Variants in CNBD1 observed in about 807,000 individuals in gnomAD.
CNBD1 encodes cyclic nucleotide binding domain containing 1.
CNBD1 carries 71 observed loss-of-function variants against 54.4 expected under a neutral mutation model. That is an observed-to-expected ratio of 1.30 (90% CI 1.08 to 1.59). The LOEUF (loss-of-function observed/expected upper bound fraction) is 1.59. CNBD1 is among the 40% of genes most tolerant of loss of function. CNBD1 has a pLI of 0.00. For synonymous variants in CNBD1, 182 were observed against 170.7 expected, an observed-to-expected ratio of 1.07 and a Z score of -0.51; for missense variants, 659 against 518.0, an observed-to-expected ratio of 1.27 and a Z score of -2.64.
chr8:86,967,213 G>T (rs1181366827), intron 4 of CNBD1, among the ~76,000 whole-genome samples: 1 of 152,186 alleles, frequency 6.6e-6, no homozygotes, highest in Non-Finnish European at 1.5e-5. Flanking sequence ...AAGGGTATAA[G>T]CTGCAGAGAC....
chr8:87,277,984 G>T (rs1808518982), intron 6 of CNBD1, among the ~76,000 whole-genome samples: 1 of 151,380 alleles, frequency 6.6e-6, no homozygotes, highest in Non-Finnish European at 1.5e-5. Context: ...AAAGAAACTA[G>T]AATTGTGAAC....
At chr8:87,414,803 T>G (rs980709050) in intron 2 of CNBD1, among the ~76,000 whole-genome samples, 6 of 152,074 alleles carry the variant, frequency 3.9e-5, no homozygotes, top group African/African-American at 1.4e-4. Flanking sequence ...TTTTTTACAA[T>G]TTAGTATACA....
chr8:87,103,331 A>C (rs1811469587), intron 4 of CNBD1, among the ~76,000 whole-genome samples: 1 of 152,216 alleles, frequency 6.6e-6, no homozygotes, highest in Non-Finnish European at 1.5e-5. Flanking sequence ...TTGTTTTTAC[A>C]TCTTAATATA....
At chr8:87,324,480 CTCCTGTT>C (rs1209307025) in intron 8 of CNBD1, among the ~76,000 whole-genome samples, 1 of 147,398 alleles carries the variant, frequency 6.8e-6, no homozygotes. Flanking sequence ...CCAATTTCAG[CTCCTGTT>C]ATTGGTCTAT....
At chr8:87,363,505 A>G (rs1162276874) in intron 10 of CNBD1, among the ~76,000 whole-genome samples, 1 of 152,128 alleles carries the variant, frequency 6.6e-6, no homozygotes, top group African/African-American at 2.4e-5. Context: ...CCTCTCCAGC[A>G]TCTGTTCATG....
intron 8 of CNBD1, among the ~76,000 whole-genome samples, chr8:87,328,645 CT>C (rs1432244585): frequency 6.6e-6 from 1 of 151,888 alleles, no homozygotes; most frequent in Non-Finnish European, 1.5e-5. Flanking sequence ...CTATAAAATG[CT>C]ATTGGGTTTT....
intron 4 of CNBD1, among the ~76,000 whole-genome samples, chr8:87,135,576 A>AT (rs1424552634): frequency 2.7e-5 from 4 of 148,652 alleles, no homozygotes; most frequent in African/African-American, 9.8e-5. Flanking sequence ...TCTAATATGT[A>AT]TAATATATAT....
intron 4 of CNBD1, among the ~76,000 whole-genome samples, chr8:87,016,321 A>C (rs888639376): frequency 6.6e-6 from 1 of 151,920 alleles, no homozygotes; most frequent in Non-Finnish European, 1.5e-5. Context: ...AGCATAAAAT[A>C]AGCTTTTGTT....
intron 4 of CNBD1, among the ~76,000 whole-genome samples, chr8:86,994,430 T>A (rs1808824456): frequency 6.6e-6 from 1 of 152,310 alleles, no homozygotes; most frequent in South Asian, 2.1e-4. Flanking sequence ...GGTGGACAGC[T>A]GGGGCTAGAG....
At chr8:87,376,605 T>A (rs1239184220) in intron 10 of CNBD1, among the ~76,000 whole-genome samples, 5 of 152,116 alleles carry the variant, frequency 3.3e-5, no homozygotes, top group African/African-American at 1.2e-4. Flanking sequence ...TATGTATTCA[T>A]AGAGTTCTAT....
chr8:86,979,827 AG>A (rs1321598544), intron 4 of CNBD1, among the ~76,000 whole-genome samples: 2 of 152,208 alleles, frequency 1.3e-5, no homozygotes, highest in African/African-American at 4.8e-5. Flanking sequence ...TTTATTTCTC[AG>A]GTTAAATGCT....
chr8:87,381,823 A>G (rs1012124779), intron 10 of CNBD1, among the ~76,000 whole-genome samples: 1 of 151,950 alleles, frequency 6.6e-6, no homozygotes, highest in Non-Finnish European at 1.5e-5. Flanking sequence ...AAAAAGTGGA[A>G]TGGTGGTTAC....
At chr8:87,029,252 T>C (rs954047298) in intron 4 of CNBD1, among the ~76,000 whole-genome samples, 3 of 152,136 alleles carry the variant, frequency 2.0e-5, no homozygotes, top group Non-Finnish European at 4.4e-5. Flanking sequence ...TTCAGACCAA[T>C]ATACGTGAAA....
intron 8 of CNBD1, among the ~76,000 whole-genome samples, chr8:87,341,499 T>C (rs556352293): frequency 9.8e-5 from 15 of 152,340 alleles, no homozygotes; most frequent in African/African-American, 3.6e-4. Context: ...ACTCTTCTAA[T>C]AGTCTTCTGC....
intron 4 of CNBD1, among the ~76,000 whole-genome samples, chr8:87,126,112 A>C (rs1811985061): frequency 6.6e-6 from 1 of 151,956 alleles, no homozygotes; most frequent in African/African-American, 2.4e-5. Context: ...GTTTCTGGCT[A>C]TTACACATAA....
intron 10 of CNBD1, among the ~76,000 whole-genome samples, chr8:87,378,615 T>G (rs1278667221): frequency 2.0e-5 from 3 of 148,832 alleles, no homozygotes; most frequent in Non-Finnish European, 4.5e-5. Context: ...TCTTTTGGCT[T>G]AGGATTGACT....
intron 4 of CNBD1, among the ~76,000 whole-genome samples, chr8:87,005,844 C>T (rs755818138): frequency 1.3e-4 from 20 of 151,950 alleles, no homozygotes; most frequent in Non-Finnish European, 1.9e-4. Context: ...ATGGAAGAGC[C>T]TGGGAGATGG....
intron 4 of CNBD1, among the ~76,000 whole-genome samples, chr8:87,189,396 T>G (rs1322033586): frequency 6.6e-6 from 1 of 152,114 alleles, no homozygotes; most frequent in Non-Finnish European, 1.5e-5. Flanking sequence ...CTTTAAAAAC[T>G]GTGCAGTTGG....
intron 4 of CNBD1, among the ~76,000 whole-genome samples, chr8:87,008,099 A>G (rs1384235214): frequency 6.6e-6 from 1 of 152,218 alleles, no homozygotes; most frequent in Non-Finnish European, 1.5e-5. Flanking sequence ...GACTACTTCT[A>G]TGAAATTGAG....
Sources: allele counts gnomAD v4.1 joint callset (sites outside exome capture counted in the v4.1 genomes callset), GRCh38; gene constraint gnomAD v4.1.1; transcripts MANE v1.5; gene names NCBI Gene and HGNC (gene_info 2026-07-23, HGNC 2026-07-21).